HELB: variants seen among roughly 807,000 people sequenced by gnomAD.
HELB encodes the protein DNA helicase B.
A neutral mutation model predicts 101.7 loss-of-function variants in HELB; 96 were observed. That is an observed-to-expected ratio of 0.94 (90% CI 0.80 to 1.12). The LOEUF (loss-of-function observed/expected upper bound fraction) is 1.12, where lower values mean the gene tolerates loss of function less well. HELB is among the 50% of genes most tolerant of loss of function. The pLI is 0.00. For missense variants in HELB, 1,210 were observed against 1,291.9 expected, an observed-to-expected ratio of 0.94 and a Z score of 0.97; for synonymous variants, 437 against 459.7, an observed-to-expected ratio of 0.95 and a Z score of 0.63.
At chr12:66,315,114 A>T in intron 5 of HELB, 128 bp from the exon 6 acceptor site, 1 of 547,510 alleles carries the variant, frequency 1.8e-6, no homozygotes, top group Non-Finnish European at 2.9e-6. Context: ...TACTATTTTT[A>T]TATCTTTTAC....
rs762109008 is a variant in HELB at position 66,331,152 on chromosome 12, A to G, written c.2671-2A>G. ...GTCTTCACACCATATTTTTCCTGCC[A>G]GGGGTCCGAGGAGCAAACAGTTGTC... is the stretch of plus-strand genomic sequence containing the variant. On this transcript the variant is annotated splice_acceptor_variant, in intron 11 of 12. Coordinates refer to ENST00000247815, the MANE Select transcript of HELB (RefSeq NM_001370285.1). LOFTEE classifies it high-confidence loss of function. The G allele has an allele frequency of 7.5e-6, 12 of 1,592,568 alleles. No homozygotes were observed. The highest frequency in any genetic ancestry group is 7.0e-5 in the Admixed American group (4 of 56,778).
At chr12:66,330,560 T>C (rs1390048721) in intron 11 of HELB, among the ~76,000 whole-genome samples, 3 of 149,338 alleles carry the variant, frequency 2.0e-5, no homozygotes, top group Non-Finnish European at 4.4e-5. Context: ...TCTATCTATC[T>C]GTCTATATAT....
chr12:66,331,083 C>T (rs2053799520), intron 11 of HELB, 71 bp from the exon 12 acceptor site: 2 of 1,505,960 alleles, frequency 1.3e-6, no homozygotes, highest in African/African-American at 2.8e-5. Context: ...CACTTGTCTC[C>T]TTTCCTTGTC....
chr12:66,322,822 C>G, intron 9 of HELB, 39 bp downstream of exon 9: 1 of 1,373,630 alleles, frequency 7.3e-7, no homozygotes. Context: ...AAGGACAGTC[C>G]TTCTTCGATT....
rs2136992401 is a variant in HELB at position 66,310,569 on chromosome 12, A to G, written c.1641A>G (p.Leu547=). 3 of 1,613,916 alleles carry G rather than the reference A, an allele frequency of 1.9e-6. No individual in the cohort carries two copies. The highest frequency in any genetic ancestry group is 2.5e-6 in the Non-Finnish European group (3 of 1,179,922). ...CTACAGGGAAAGCAGCTGGCTTACTAAGACAGAAAACTGGTCTTCATGCCT... is the reference window on the plus strand; with the variant it reads ...CTACAGGGAAAGCAGCTGGCTTACTGAGACAGAAAACTGGTCTTCATGCCT... ...TAPTGKAAGL[L]RQKTGLHAYT... Residue 547 remains leucine (L), a synonymous_variant, in exon 4 of 13, where the codon CTA becomes CTG. Coordinates refer to ENST00000247815, the MANE Select transcript of HELB (RefSeq NM_001370285.1).
Position 66,331,641 on chromosome 12 carries a change from T to G in HELB, c.3158T>G (p.Phe1053Cys). ...VNDDESPSKI[F>C]MVGESPQVSS... is the part of the protein sequence containing the mutation. ...GATGATGAAAGTCCAAGCAAAATTT[T>G]TATGGTAGGAGTGATGTTTCCATGT... Residue 1053 changes from phenylalanine to cysteine, a missense_variant, in exon 12 of 13, where the codon TTT becomes TGT. By Grantham distance (205) the Phe-to-Cys change is radical (BLOSUM62 -2). Coordinates refer to ENST00000247815, the MANE Select transcript of HELB (RefSeq NM_001370285.1). The G allele has an allele frequency of 6.3e-7, 1 of 1,595,928 alleles. No individual in the cohort carries two copies. Among genetic ancestry groups the G allele is most frequent in the Non-Finnish European group, 8.5e-7 (1 of 1,175,928 alleles).
At chr12:66,314,298 A>T in intron 5 of HELB, 135 bp downstream of exon 5, 2 of 800,904 alleles carry the variant, frequency 2.5e-6, no homozygotes, top group Middle Eastern at 3.8e-4. Flanking sequence ...GCTACATGAA[A>T]TTAAATCTGA....
intron 6 of HELB, 45 bp downstream of exon 6, chr12:66,315,428 A>G: frequency 7.2e-7 from 1 of 1,388,588 alleles, no homozygotes; most frequent in Non-Finnish European, 9.5e-7. Context: ...GTTGTATTAG[A>G]AATTTAAAAA....
chr12:66,310,507 G>C lies in HELB; in HGVS notation c.1579G>C (p.Glu527Gln). 1 of 1,614,254 alleles carries C rather than the reference G, an allele frequency of 6.2e-7. No individual in the cohort carries two copies. The highest frequency in any genetic ancestry group is 8.5e-7 in the Non-Finnish European group (1 of 1,180,042). The change falls in exon 4 of 13, where the codon GAG (glutamate) becomes CAG (glutamine). Residue 527 changes from glutamate (E) to glutamine (Q), a missense_variant. This residue lies in a region of HELB where 740 missense variants were observed against 728.8 expected (regional missense o/e 1.02). Coordinates refer to ENST00000247815, the MANE Select transcript of HELB (RefSeq NM_001370285.1). ...TACCTTTACTGAGCAAAGTCAACTAGAGGCGGACAAGGCTATAGAAGTTTT... is the reference window on the plus strand; with the variant it reads ...TACCTTTACTGAGCAAAGTCAACTACAGGCGGACAAGGCTATAGAAGTTTT... ...WITFTEQSQL[E>Q]ADKAIEVLLT...
At chr12:66,334,269 TG>T (rs2053841332) in intron 12 of HELB, among the ~76,000 whole-genome samples, 2 of 151,944 alleles carry the variant, frequency 1.3e-5, no homozygotes, top group African/African-American at 4.8e-5. Flanking sequence ...GAGACTAACC[TG>T]GGCAATATAG....
At chr12:66,334,768 G>A (rs945189128) in intron 12 of HELB, among the ~76,000 whole-genome samples, 3 of 149,956 alleles carry the variant, frequency 2.0e-5, no homozygotes, top group Non-Finnish European at 4.4e-5. Context: ...GACAGAATGA[G>A]ACCCTGTCTC....
chr12:66,314,037 C>T lies in HELB; in HGVS notation c.1732C>T (p.Pro578Ser). The T allele has an allele frequency of 6.2e-7, 1 of 1,613,816 alleles. No individual in the cohort carries two copies. Residue 578 changes from proline (P) to serine (S), a missense_variant, in exon 5 of 13, where the codon CCA becomes TCA. Transcript: ENST00000247815. ...TCAAACAATGATGACCACAAACAAA[C>T]CATGGAAATTTTCTTCGGTTAGAGT... ...WTQTMMTTNK[P>S]WKFSSVRVLV... is the part of the protein sequence containing the mutation.
chr12:66,331,198 C>T lies in HELB; in HGVS notation c.2715C>T (p.Gly905=), dbSNP rs199878288. 3.5e-5 allele frequency: 57 copies of T among 1,611,910 alleles called. No homozygotes were observed. In the East Asian group the frequency reaches 8.2e-4, roughly 23 times the overall value. ...QTVVYVVGKA[G]RQHWQHVYTA... ...TTGTCTATGTGGTGGGGAAGGCGGG[C>T]CGCCAGCACTGGCAGCATGTCTACA... The change falls in exon 12 of 13, where the codon GGC becomes GGT. Residue 905 remains glycine, a synonymous_variant. Coordinates refer to ENST00000247815, the MANE Select transcript of HELB (RefSeq NM_001370285.1).
intron 9 of HELB, among the ~76,000 whole-genome samples, chr12:66,323,129 A>C (rs1226124863): frequency 2.0e-5 from 3 of 152,146 alleles, no homozygotes; most frequent in Non-Finnish European, 4.4e-5. Flanking sequence ...GGGTGCCTGC[A>C]GAGAGCAACT....
intron 3 of HELB, among the ~76,000 whole-genome samples, chr12:66,307,382 A>C (rs2053489799): frequency 1.3e-5 from 2 of 152,330 alleles, no homozygotes; most frequent in South Asian, 4.1e-4. Context: ...TGTTTAAAAA[A>C]ACCCTGTAAA....
At position 66,325,083 on chromosome 12, in the gene HELB, G is replaced by A. The variant is rs1487393916; in HGVS notation, c.2627G>A (p.Cys876Tyr). ...TVDFKKLMKY[C>Y]RIKHAWARTI... ...GATTTTAAGAAACTAATGAAATATTGTCGCATAAAACATGCATGGGCAAGA... is the reference window on the plus strand; with the variant it reads ...GATTTTAAGAAACTAATGAAATATTATCGCATAAAACATGCATGGGCAAGA... The change falls in exon 11 of 13, where the codon TGT (cysteine) becomes TAT (tyrosine). Residue 876 changes from cysteine (C) to tyrosine (Y), a missense_variant. Physicochemically the swap from Cys to Tyr is radical, Grantham distance 194 (BLOSUM62 -2). Around this residue, in one of 2 missense-constraint regions of HELB, gnomAD observed 740 missense variants for 728.8 expected, o/e 1.02. Transcript: ENST00000247815. 6.2e-7 allele frequency: 1 copy of A among 1,613,624 alleles called. No individual in the cohort carries two copies. Among genetic ancestry groups the A allele is most frequent in the African/African-American group, 1.3e-5 (1 of 75,044 alleles).
rs1400700399 is a variant in HELB at position 66,310,546 on chromosome 12, A to G, written c.1618A>G (p.Thr540Ala). ...KAIEVLLTAPTGKAAGLLRQK... is the reference protein window; with the variant it reads ...KAIEVLLTAPAGKAAGLLRQK... The stretch of plus-strand genomic sequence containing the variant: ...TATAGAAGTTTTGCTCACAGCACCT[A>G]CAGGGAAAGCAGCTGGCTTACTAAG... Residue 540 changes from threonine to alanine, a missense_variant, in exon 4 of 13, where the codon ACA becomes GCA. Thr to Ala is a moderately conservative substitution (Grantham distance 58). Coordinates refer to ENST00000247815, the MANE Select transcript of HELB (RefSeq NM_001370285.1). 1 of 1,614,102 alleles carries G rather than the reference A, an allele frequency of 6.2e-7. No individual in the cohort carries two copies. Among genetic ancestry groups the G allele is most frequent in the African/African-American group, 1.3e-5 (1 of 74,948 alleles).
chr12:66,323,978 C>A lies in HELB; in HGVS notation c.2298-5C>A, dbSNP rs748608542. On this transcript the variant is annotated splice_polypyrimidine_tract_variant and splice_region_variant and intron_variant, in intron 9 of 12. Coordinates refer to ENST00000247815, the MANE Select transcript of HELB (RefSeq NM_001370285.1). ...TTGATTATATATTATCATTTTCTAT[C>A]CCAGAGACCATCAGAGTAGACTTGT... 1.3e-6 allele frequency: 2 copies of A among 1,585,460 alleles called. No homozygotes were observed. The highest frequency in any genetic ancestry group is 1.7e-6 in the Non-Finnish European group (2 of 1,154,766).
At chr12:66,314,258 T>C (rs911640312) in intron 5 of HELB, 95 bp downstream of exon 5, 12 of 1,075,904 alleles carry the variant, frequency 1.1e-5, no homozygotes, top group Non-Finnish European at 1.5e-5. Flanking sequence ...TACACCAGAA[T>C]TGATACCAAA....
Sources: gnomAD v4.1 joint callset for allele counts (sites outside exome capture counted in the v4.1 genomes callset) on GRCh38, gnomAD v4.1.1 for gene constraint, gnomAD v4.1.1 regional missense constraint, MANE v1.5 for transcripts, NCBI Gene and HGNC (gene_info 2026-07-23, HGNC 2026-07-21) for gene names.